Variants in XYLB observed in about 807,000 individuals in gnomAD.
XYLB encodes xylulose kinase.
XYLB carries 62 observed loss-of-function variants against 78.7 expected under a neutral mutation model. That is an observed-to-expected ratio of 0.79 (90% confidence interval 0.64 to 0.97). XYLB has a LOEUF of 0.97. Among genes scored for constraint, XYLB ranks in the 50% least tolerant of loss-of-function variants. The pLI is 0.00. For missense variants in XYLB, 687 were observed against 676.8 expected (o/e 1.02, Z -0.17); for synonymous variants, 245 against 247.4 (o/e 0.99, Z 0.09).
At chr3:38,417,698 G>A (rs13093460), downstream of XYLB, among the ~76,000 whole-genome samples, 73,145 of 151,434 alleles carry the variant, frequency 0.48, 19,707 homozygotes, top group Non-Finnish European at 0.61. Context: ...TGGTCAAAAT[G>A]GTGAAACCCC....
Position 38,346,799 on chromosome 3 carries a change from G to C in XYLB, c.-70G>C, listed in dbSNP as rs1705080706. 12 of 1,424,888 alleles carry C rather than the reference G, an allele frequency of 8.4e-6. No homozygotes were observed. In the Admixed American group the frequency reaches 3.0e-4, roughly 36 times the overall value. The allele number at this position is 1,424,888 out of a possible 1,614,324, so 88.3% of individuals were successfully genotyped here. On this transcript the variant is annotated 5_prime_UTR_variant, in exon 1 of 19. Transcript: ENST00000207870. ...CGGGCCCCTGCGTCTCTGGGCGCTG[G>C]AGCGCGGCGACTATCACGCCGCGTG...
chr3:38,365,261 C>A lies in XYLB; in HGVS notation c.354C>A (p.Asp118Glu). The A allele has an allele frequency of 6.2e-7, 1 of 1,614,212 alleles. No individual in the cohort carries two copies. The change falls in exon 5 of 19, where the codon GAC becomes GAA. Residue 118 changes from aspartate (D) to glutamate (E), a missense_variant. Physicochemically the swap from Asp to Glu is conservative, Grantham distance 45 (BLOSUM62 2). Transcript: ENST00000207870. ...AQQALTSLSP[D>E]LRLHQQLQDC... ...AGGCACTGACAAGCTTATCACCAGA[C>A]CTCCGGCTACACCAGCAGCTGCAGG... is the stretch of plus-strand genomic sequence containing the variant.
intron 2 of XYLB, among the ~76,000 whole-genome samples, chr3:38,353,939 G>C (rs6781983): frequency 0.89 from 135,189 of 151,140 alleles, 61,042 homozygotes; most frequent in East Asian, 1. Context: ...GAGATGTGAG[G>C]CTTATCATGT....
chr3:38,435,037 T>A, the XYLB span, among the ~76,000 whole-genome samples: 1 of 152,088 alleles, frequency 6.6e-6, no homozygotes, highest in Non-Finnish European at 1.5e-5. Context: ...CTTGGGTGGC[T>A]GAGGCTGAGA....
the XYLB span, among the ~76,000 whole-genome samples, chr3:38,444,049 T>G: frequency 6.6e-6 from 1 of 152,144 alleles, no homozygotes; most frequent in African/African-American, 2.4e-5. Context: ...ATACCAGGTA[T>G]CTCCAAACTC....
At chr3:38,368,734 G>C (rs1292988275) in intron 8 of XYLB, among the ~76,000 whole-genome samples, 1 of 152,166 alleles carries the variant, frequency 6.6e-6, no homozygotes, top group African/African-American at 2.4e-5. Context: ...CCCTAATCTT[G>C]AAGTGATGTG....
downstream of XYLB, among the ~76,000 whole-genome samples, chr3:38,423,198 G>A (rs1235540887): frequency 3.9e-5 from 6 of 151,998 alleles, no homozygotes; most frequent in African/African-American, 1.4e-4. Flanking sequence ...TCAGCCTCCC[G>A]AGTAGCTGGG....
the XYLB span, among the ~76,000 whole-genome samples, chr3:38,428,256 T>TG: frequency 1.3e-5 from 2 of 152,208 alleles, no homozygotes; most frequent in East Asian, 1.9e-4. Context: ...AGTTTAATTT[T>TG]GGGGAATGTT....
rs1290635010 is a variant in XYLB, at chr3:38,346,914, A to C, written c.46A>C (p.Ser16Arg). The change falls in exon 1 of 19, where the codon AGC (serine) becomes CGC (arginine). Residue 16 changes from serine (S) to arginine (R), a missense_variant. Physicochemically the swap from Ser to Arg is moderately radical, Grantham distance 110. Transcript: ENST00000207870. ...PRRCCLGWDF[S>R]TQQVKVVAVD... ...CCGCTGCTGCCTGGGCTGGGACTTC[A>C]GCACGCAGCAGGTACAGTCGCCTGG... 7 of 1,512,188 alleles carry C rather than the reference A, an allele frequency of 4.6e-6. No individual in the cohort carries two copies. The highest frequency in any genetic ancestry group is 4.2e-5 in the Admixed American group (2 of 47,330). 93.7% of individuals were successfully genotyped at this position (1,512,188 alleles called of 1,614,324 possible). A position where few individuals can be genotyped will look rare whatever the true frequency, so the allele number is the denominator to read the frequency against.
At chr3:38,431,608 A>G in the XYLB span, among the ~76,000 whole-genome samples, 1 of 152,308 alleles carries the variant, frequency 6.6e-6, no homozygotes, top group Admixed American at 6.5e-5. Context: ...GTGGTGAGAG[A>G]GGGCATCCCT....
intron 12 of XYLB, 60 bp downstream of exon 12, chr3:38,375,319 A>G (rs949285502): frequency 1.3e-6 from 2 of 1,482,874 alleles, no homozygotes; most frequent in African/African-American, 2.8e-5. Flanking sequence ...CAGGTCTGGC[A>G]CCATCTTGAG....
chr3:38,369,250 A>G (rs983044067), intron 8 of XYLB, among the ~76,000 whole-genome samples: 1 of 152,220 alleles, frequency 6.6e-6, no homozygotes, highest in African/African-American at 2.4e-5. Flanking sequence ...GGAGGAGGCA[A>G]CAGGGTTCCC....
At chr3:38,408,156 T>TTA in intron 18 of XYLB, among the ~76,000 whole-genome samples, 1 of 151,760 alleles carries the variant, frequency 6.6e-6, no homozygotes, top group South Asian at 2.1e-4. Context: ...TCAGCAAACG[T>TTA]AAAAGAACAG....
At chr3:38,387,256 T>C (rs748665627) in intron 15 of XYLB, among the ~76,000 whole-genome samples, 77 of 152,298 alleles carry the variant, frequency 5.1e-4, no homozygotes, top group Non-Finnish European at 9.0e-4. Flanking sequence ...TTTCCTTTCC[T>C]CTGGACTTCA....
At chr3:38,395,648 C>T in intron 16 of XYLB, 85 bp downstream of exon 16, 3 of 1,420,660 alleles carry the variant, frequency 2.1e-6, no homozygotes, top group Non-Finnish European at 3.0e-6. Flanking sequence ...GAAGGACAGC[C>T]TCCATTCCCA....
chr3:38,428,940 G>C, the XYLB span, among the ~76,000 whole-genome samples: 2 of 152,166 alleles, frequency 1.3e-5, no homozygotes, highest in Non-Finnish European at 2.9e-5. Flanking sequence ...ATGCTGCTCA[G>C]GTTCCTCTTC....
intron 8 of XYLB, among the ~76,000 whole-genome samples, chr3:38,369,118 G>C: frequency 6.6e-6 from 1 of 152,158 alleles, no homozygotes; most frequent in East Asian, 1.9e-4. Flanking sequence ...AATGGAGCCT[G>C]GGATGCTCTG....
intron 18 of XYLB, among the ~76,000 whole-genome samples, chr3:38,407,963 TAGAC>T (rs1386768289): frequency 1.3e-5 from 2 of 151,982 alleles, no homozygotes; most frequent in Non-Finnish European, 2.9e-5. Context: ...CTGTCAACAT[TAGAC>T]AGAACAACGA....
chr3:38,361,724 G>A (rs564847203), intron 3 of XYLB, among the ~76,000 whole-genome samples: 1 of 152,148 alleles, frequency 6.6e-6, no homozygotes, highest in Non-Finnish European at 1.5e-5. Flanking sequence ...CAGCCTCCAG[G>A]ACCAAACTTG....
Sources: gnomAD v4.1 joint callset for allele counts (sites outside exome capture counted in the v4.1 genomes callset) on GRCh38, gnomAD v4.1.1 for gene constraint, MANE v1.5 for transcripts, NCBI Gene and HGNC (gene_info 2026-07-23, HGNC 2026-07-21) for gene names.